Variants in PTPRD observed in about 807,000 individuals in gnomAD.
PTPRD encodes receptor-type tyrosine-protein phosphatase delta.
Under a neutral mutation model 214.5 loss-of-function variants are expected in PTPRD, and 34 were observed. The ratio of observed to expected loss-of-function variants is 0.16; its 90% CI spans 0.12 to 0.21. The LOEUF (loss-of-function observed/expected upper bound fraction) is 0.21. Among genes scored for constraint, PTPRD ranks in the 10% least tolerant of loss-of-function variants. The pLI is 1.00. For synonymous variants in PTPRD, 1,128 were observed against 845.7 expected (o/e 1.33, Z -5.79); for missense variants, 2,545 against 2,398.7 (o/e 1.06, Z -1.27).
chr9:8,764,870 G>A (rs2094613631), intron 11 of PTPRD, among the ~76,000 whole-genome samples: 1 of 151,574 alleles, frequency 6.6e-6, no homozygotes, highest in Non-Finnish European at 1.5e-5. Flanking sequence ...ATCACATGAT[G>A]CATATATTAA....
chr9:10,375,732 T>C (rs1275165807), intron 2 of PTPRD, among the ~76,000 whole-genome samples: 1 of 152,000 alleles, frequency 6.6e-6, no homozygotes, highest in Non-Finnish European at 1.5e-5. Flanking sequence ...AGTTATGATA[T>C]GTGGTGATAG....
At chr9:9,714,957 C>T (rs1030619777) in intron 7 of PTPRD, among the ~76,000 whole-genome samples, 1 of 152,016 alleles carries the variant, frequency 6.6e-6, no homozygotes, top group Non-Finnish European at 1.5e-5. Context: ...TTATTGTTGG[C>T]TTATGTTCAT....
chr9:9,587,074 T>C (rs1352127838), intron 7 of PTPRD, among the ~76,000 whole-genome samples: 10 of 151,854 alleles, frequency 6.6e-5, no homozygotes, highest in African/African-American at 2.2e-4. Flanking sequence ...GGTAACAAAA[T>C]GTGTTATGTG....
intron 11 of PTPRD, among the ~76,000 whole-genome samples, chr9:8,761,846 G>C (rs74609533): frequency 0.035 from 5,363 of 152,246 alleles, 334 homozygotes; most frequent in African/African-American, 0.12. Flanking sequence ...TGAGATTACA[G>C]TTTTAGTTTT....
In PTPRD at chr9:8,359,090, A is replaced by T. The variant is rs1329780166; in HGVS notation, c.4661+16846T>A. 6.4e-5 allele frequency among the ~76,000 whole-genome samples: 7 copies of T among 110,026 alleles called. 1 individual carries two copies. Among genetic ancestry groups the T allele is most frequent in the Non-Finnish European group, 1.2e-4 (7 of 57,958 alleles). 72.2% of individuals were successfully genotyped at this position (110,026 alleles called of 152,430 possible). On this transcript the variant is annotated intron_variant, in intron 39 of 45. Transcript: ENST00000381196. ...ACCACTGCACTCCCACCTGGGCCAC[A>T]GAGCGAGACTCCGTCTCAAAAAAAA...
intron 4 of PTPRD, among the ~76,000 whole-genome samples, chr9:9,998,119 A>ATATATAT (rs1566997370): frequency 1.8e-5 from 1 of 55,866 alleles, no homozygotes; most frequent in East Asian, 2.7e-4. Context: ...GTATAATAAA[A>ATATATAT]AAAAAAAAAA....
At chr9:10,488,366 CAAAAAAAAAAAAA>C (rs59842348) in intron 2 of PTPRD, among the ~76,000 whole-genome samples, 2 of 68,418 alleles carry the variant, frequency 2.9e-5, no homozygotes, top group African/African-American at 1.0e-4. Context: ...GACTCTGTCT[CAAAAAAAAAAAAA>C]AAAAAAAAGA....
At chr9:9,513,687 T>C (rs2096766387) in intron 8 of PTPRD, among the ~76,000 whole-genome samples, 1 of 151,590 alleles carries the variant, frequency 6.6e-6, no homozygotes, top group Admixed American at 6.6e-5. Context: ...AACACAGACA[T>C]GAAGAACTGA....
chr9:9,694,496 C>T (rs1326573735), intron 7 of PTPRD, among the ~76,000 whole-genome samples: 1 of 151,980 alleles, frequency 6.6e-6, no homozygotes, highest in Non-Finnish European at 1.5e-5. Context: ...CAGGACTGTG[C>T]TGGGTCAGAT....
chr9:8,751,840 G>A (rs1462955224), intron 11 of PTPRD, among the ~76,000 whole-genome samples: 3 of 152,182 alleles, frequency 2.0e-5, no homozygotes, highest in African/African-American at 7.2e-5. Context: ...AAACGAGACA[G>A]TTTGTTATAT....
At chr9:9,246,556 C>T (rs1454052357) in intron 9 of PTPRD, among the ~76,000 whole-genome samples, 2 of 152,062 alleles carry the variant, frequency 1.3e-5, no homozygotes, top group African/African-American at 4.8e-5. Flanking sequence ...TGGCTATCCC[C>T]CAGACTCAGA....
At position 9,747,105 on chromosome 9, in the gene PTPRD, A is replaced by T. The variant is rs61332467; in HGVS notation, c.-325-12534T>A. Among the ~76,000 whole-genome samples the T allele has an allele frequency of 9.5e-3, 1,445 of 152,262 alleles. 22 individuals carry two copies. Among genetic ancestry groups the T allele is most frequent in the African/African-American group, 0.032 (1,327 of 41,568 alleles). ...TGCTGGAGAGAAATGTATTGTAGAA[A>T]TAAAGAAGTTTCTGATGTCCCTAAA... On this transcript the variant is annotated intron_variant, in intron 6 of 45. Transcript: ENST00000381196.
chr9:9,578,443 C>G (rs974480695), intron 7 of PTPRD, among the ~76,000 whole-genome samples: 4 of 152,024 alleles, frequency 2.6e-5, no homozygotes, highest in African/African-American at 9.7e-5. Flanking sequence ...GAGTGCATTA[C>G]TTCCTCTTGA....
At chr9:9,320,367 C>G (rs371503730) in intron 9 of PTPRD, among the ~76,000 whole-genome samples, 2 of 152,114 alleles carry the variant, frequency 1.3e-5, no homozygotes, top group African/African-American at 4.8e-5. Context: ...ACCCCATATA[C>G]TGGGCATGAA....
chr9:9,529,989 T>C (rs890933111), intron 8 of PTPRD, among the ~76,000 whole-genome samples: 1 of 151,998 alleles, frequency 6.6e-6, no homozygotes, highest in African/African-American at 2.4e-5. Context: ...TACCAAGACC[T>C]ATGGGAAATA....
chr9:10,368,487 G>A (rs1565586832), intron 2 of PTPRD, among the ~76,000 whole-genome samples: 2 of 152,154 alleles, frequency 1.3e-5, no homozygotes, highest in East Asian at 3.9e-4. Context: ...TACATTCAAT[G>A]CAATGGGTTT....
At chr9:9,032,938 C>G (rs2099610302) in intron 10 of PTPRD, among the ~76,000 whole-genome samples, 1 of 152,066 alleles carries the variant, frequency 6.6e-6, no homozygotes, top group Non-Finnish European at 1.5e-5. Context: ...GGAAACCTCT[C>G]TGTACGGGAC....
intron 12 of PTPRD, among the ~76,000 whole-genome samples, chr9:8,647,368 GA>G (rs2096717114): frequency 6.6e-6 from 1 of 152,114 alleles, no homozygotes; most frequent in African/African-American, 2.4e-5. Flanking sequence ...TAACTTTTAA[GA>G]ATTTTCCATG....
At chr9:10,373,603 T>A (rs902452188) in intron 2 of PTPRD, among the ~76,000 whole-genome samples, 47 of 152,138 alleles carry the variant, frequency 3.1e-4, no homozygotes, top group African/African-American at 1.1e-3. Flanking sequence ...TAGAAAATTG[T>A]GTCTCTTATT....
Sources: gnomAD v4.1 joint callset for allele counts (sites outside exome capture counted in the v4.1 genomes callset) on GRCh38, gnomAD v4.1.1 for gene constraint, MANE v1.5 for transcripts, NCBI Gene and HGNC (gene_info 2026-07-23, HGNC 2026-07-21) for gene names.